SLC7A2: variants seen among roughly 807,000 people sequenced by gnomAD.
SLC7A2 encodes the protein cationic amino acid transporter 2.
In SLC7A2, 48 loss-of-function variants were observed where a neutral mutation model predicts 58.9. The observed-to-expected ratio is 0.82, with a 90% confidence interval of 0.65 to 1.04. SLC7A2 has a LOEUF of 1.04. Among genes scored for constraint, SLC7A2 ranks in the 50% least tolerant of loss-of-function variants. The pLI is 0.00. For synonymous variants in SLC7A2, 363 were observed against 314.5 expected, an observed-to-expected ratio of 1.15 and a Z score of -1.63; for missense variants, 1,029 against 818.8, an observed-to-expected ratio of 1.26 and a Z score of -3.13.
intron 12 of SLC7A2, among the ~76,000 whole-genome samples, chr8:17,564,720 T>A (rs994664137): frequency 6.6e-6 from 1 of 152,014 alleles, no homozygotes; most frequent in Non-Finnish European, 1.5e-5. Context: ...CAATGGGGAG[T>A]GGCTGTAAAT....
chr8:17,500,155 A>G (rs1038226531), intron 1 of SLC7A2: 2 of 152,154 alleles, frequency 1.3e-5, no homozygotes, highest in African/African-American at 4.8e-5. Flanking sequence ...GCAGTTTTTT[A>G]TTTTGCTGTA....
At position 17,518,218 on chromosome 8, in the gene SLC7A2, C is replaced by CT. The variant is rs35200868; in HGVS notation, c.-23+15928dup. 7.2e-3 allele frequency among the ~76,000 whole-genome samples: 1,036 copies of CT among 144,104 alleles called. 30 individuals carry two copies. In the South Asian group the frequency reaches 0.094, roughly 13 times the overall value. 94.5% of individuals were successfully genotyped at this position (144,104 alleles called of 152,430 possible). Reference sequence around the variant, plus strand: ...ATATTTATTCATTTTTCTTTTCTTTCTTTTTTTTTTTTGCACAACATCCAA... The same window carrying CT: ...ATATTTATTCATTTTTCTTTTCTTTCTTTTTTTTTTTTTGCACAACATCCAA... On this transcript the variant is annotated intron_variant, in intron 2 of 12. Transcript: ENST00000494857.
rs561052390 is a variant in SLC7A2 at position 17,556,137 on chromosome 8, C to T, written c.1195+1438C>T. On this transcript the variant is annotated intron_variant, in intron 8 of 12. Transcript: ENST00000494857. ...TAGAAGGTCAAGTCACTTATTTTCT[C>T]AGGCTTAGATTTCTGCCCCCCTAAA... Among the ~76,000 whole-genome samples the T allele has an allele frequency of 5.0e-4, 76 of 152,252 alleles. 2 individuals are homozygous for T. The highest frequency in any genetic ancestry group is 1.8e-3 in the African/African-American group (75 of 41,530).
chr8:17,521,353 G>A (rs542953505), intron 2 of SLC7A2, among the ~76,000 whole-genome samples: 123 of 152,322 alleles, frequency 8.1e-4, no homozygotes, highest in African/African-American at 2.8e-3. Context: ...GGTGGCAAGA[G>A]GACAGAGTGT....
At chr8:17,559,989 G>T (rs2150775615) in intron 9 of SLC7A2, among the ~76,000 whole-genome samples, 1 of 152,306 alleles carries the variant, frequency 6.6e-6, no homozygotes. Context: ...GAGCTTCTGT[G>T]CTGTTTTCAT....
chr8:17,563,303 G>C (rs1217904588), intron 11 of SLC7A2, among the ~76,000 whole-genome samples: 2 of 152,162 alleles, frequency 1.3e-5, no homozygotes, highest in Non-Finnish European at 2.9e-5. Context: ...CCACATTTCA[G>C]AGGTCTCCCC....
intron 2 of SLC7A2, among the ~76,000 whole-genome samples, chr8:17,519,548 C>A (rs2213906): frequency 6.6e-6 from 1 of 151,948 alleles, no homozygotes; most frequent in Non-Finnish European, 1.5e-5. Context: ...CCTGTCCCTC[C>A]GGGTCAGCCT....
intron 2 of SLC7A2, among the ~76,000 whole-genome samples, chr8:17,525,238 A>C (rs1294142502): frequency 6.6e-6 from 1 of 152,182 alleles, no homozygotes; most frequent in Non-Finnish European, 1.5e-5. Context: ...CTTGAAGAAA[A>C]TAGAGTATTT....
At chr8:17,512,191 G>C (rs1469044030) in intron 2 of SLC7A2, among the ~76,000 whole-genome samples, 1 of 152,048 alleles carries the variant, frequency 6.6e-6, no homozygotes. Flanking sequence ...ATGTGGAGTA[G>C]AGTAACAAAA....
At chr8:17,548,111 C>T (rs1009431327) in intron 4 of SLC7A2, among the ~76,000 whole-genome samples, 2 of 152,254 alleles carry the variant, frequency 1.3e-5, no homozygotes, top group East Asian at 1.9e-4. Context: ...GAGGCTGAGG[C>T]AGGCAGATCA....
intron 9 of SLC7A2, among the ~76,000 whole-genome samples, chr8:17,559,753 A>G (rs900263477): frequency 6.6e-5 from 10 of 152,316 alleles, no homozygotes; most frequent in Non-Finnish European, 1.3e-4. Flanking sequence ...GACACAGCCA[A>G]ACCATATCAC....
At chr8:17,530,844 G>T (rs1342942263) in intron 2 of SLC7A2, among the ~76,000 whole-genome samples, 2 of 152,066 alleles carry the variant, frequency 1.3e-5, no homozygotes, top group Non-Finnish European at 2.9e-5. Flanking sequence ...AGTGCTGGTA[G>T]TACAGGTGTG....
chr8:17,525,385 C>A (rs1801182943), intron 2 of SLC7A2, among the ~76,000 whole-genome samples: 1 of 152,246 alleles, frequency 6.6e-6, no homozygotes, highest in East Asian at 1.9e-4. Flanking sequence ...GAAACAAGCT[C>A]TAGAATCTGA....
intron 11 of SLC7A2, among the ~76,000 whole-genome samples, chr8:17,563,045 A>C (rs1275005927): frequency 6.6e-6 from 1 of 152,212 alleles, no homozygotes; most frequent in East Asian, 1.9e-4. Flanking sequence ...CAGGAGGCTG[A>C]AGTGGGAGGA....
intron 2 of SLC7A2, chr8:17,538,971 T>C (rs762525020): frequency 2.0e-6 from 3 of 1,532,698 alleles, no homozygotes; most frequent in Non-Finnish European, 2.7e-6. Context: ...AGATTAAGTT[T>C]GAAATGTCAA....
At chr8:17,508,806 CTAGTAATGG>C (rs1800479136) in intron 2 of SLC7A2, among the ~76,000 whole-genome samples, 1 of 152,132 alleles carries the variant, frequency 6.6e-6, no homozygotes, top group Non-Finnish European at 1.5e-5. Context: ...CACCGAACCA[CTAGTAATGG>C]TAGTATGTTA....
chr8:17,560,599 T>A (rs1199581131), intron 10 of SLC7A2, 66 bp downstream of exon 10: 1 of 1,381,180 alleles, frequency 7.2e-7, no homozygotes. Context: ...GCTGGCATGA[T>A]ATGAAAGAGA....
Position 17,567,948 on chromosome 8 carries a change from GC to G in SLC7A2, c.*2803del, listed in dbSNP as rs1803340881. On this transcript the variant is annotated 3_prime_UTR_variant, in exon 13 of 13. Coordinates refer to ENST00000494857, the MANE Select transcript of SLC7A2 (RefSeq NM_001370338.1). ...GATCTGTCCTGGTAGGTGTTTATTA[GC>G]AAAAGTCAGTATCACCAGCTCTTTG... 1 of 152,002 alleles carries G rather than the reference GC, an allele frequency of 6.6e-6. No individual in the cohort carries two copies. Among genetic ancestry groups the G allele is most frequent in the African/African-American group, 2.4e-5 (1 of 41,380 alleles). The allele number at this position is 152,002 out of a possible 1,614,324, so 9.4% of individuals were successfully genotyped here. A position where few individuals can be genotyped will look rare whatever the true frequency, so the allele number is the denominator to read the frequency against.
At chr8:17,536,973 G>A (rs1216442720) in intron 2 of SLC7A2, among the ~76,000 whole-genome samples, 1 of 152,216 alleles carries the variant, frequency 6.6e-6, no homozygotes, top group Non-Finnish European at 1.5e-5. Context: ...AAGCTCCCCA[G>A]GCTCCTCTTG....
Sources: allele counts gnomAD v4.1 joint callset (sites outside exome capture counted in the v4.1 genomes callset), GRCh38; gene constraint gnomAD v4.1.1; transcripts MANE v1.5; gene names NCBI Gene and HGNC (gene_info 2026-07-23, HGNC 2026-07-21).